The following COXFA4 variants were observed in gnomAD, a reference collection of about 807,000 sequenced individuals.
The protein encoded by COXFA4 is cytochrome c oxidase subunit FA4.
At chr7:10,933,497 A>T in the COXFA4 span, 2 of 678,452 alleles carry the variant, frequency 2.9e-6, no homozygotes. Context: ...TGTAATCTCC[A>T]ATAGAGATTA....
chr7:10,938,084 G>C, the COXFA4 span: 1 of 1,611,830 alleles, frequency 6.2e-7, no homozygotes, highest in Non-Finnish European at 8.5e-7. Context: ...CAATTTTGTA[G>C]TTTACCTTGT....
the COXFA4 span, among the ~76,000 whole-genome samples, chr7:10,934,588 C>G: frequency 6.6e-6 from 1 of 152,168 alleles, no homozygotes; most frequent in African/African-American, 2.4e-5. Context: ...TCCAAAAGAA[C>G]CACAATTTCA....
At chr7:10,935,736 C>T in the COXFA4 span, among the ~76,000 whole-genome samples, 6 of 152,156 alleles carry the variant, frequency 3.9e-5, no homozygotes, top group Admixed American at 1.3e-4. Context: ...TCCCAGCCTC[C>T]GGACTGAGGA....
At chr7:10,939,434 T>A in the COXFA4 span, 2 of 176,116 alleles carry the variant, frequency 1.1e-5, no homozygotes, top group Admixed American at 1.1e-4. Flanking sequence ...TAAGACAGAT[T>A]AAAGATTGCA....
At chr7:10,936,387 C>G in the COXFA4 span, among the ~76,000 whole-genome samples, 1 of 152,196 alleles carries the variant, frequency 6.6e-6, no homozygotes. Flanking sequence ...ATCTGTTACA[C>G]TTTTTGAACT....
chr7:10,939,563 G>A, the COXFA4 span: 1 of 183,202 alleles, frequency 5.5e-6, no homozygotes, highest in South Asian at 1.0e-4. Flanking sequence ...GACAAAGTGA[G>A]GATTCCAAGA....
chr7:10,935,075 C>T, the COXFA4 span, among the ~76,000 whole-genome samples: 1 of 152,204 alleles, frequency 6.6e-6, no homozygotes, highest in African/African-American at 2.4e-5. Context: ...CACAATAACC[C>T]TTCTGATTCT....
the COXFA4 span, chr7:10,939,903 G>C: frequency 6.6e-6 from 8 of 1,206,826 alleles, no homozygotes; most frequent in East Asian, 1.9e-4. Context: ...GCAGGGTCTG[G>C]TCTGACGGAC....
At chr7:10,934,686 A>G in the COXFA4 span, among the ~76,000 whole-genome samples, 1 of 152,172 alleles carries the variant, frequency 6.6e-6, no homozygotes, top group Admixed American at 6.5e-5. Flanking sequence ...TATTTCTTCA[A>G]ATATACCCGA....
At chr7:10,937,605 C>T in the COXFA4 span, among the ~76,000 whole-genome samples, 10 of 152,188 alleles carry the variant, frequency 6.6e-5, no homozygotes, top group African/African-American at 2.2e-4. Context: ...TGATGCTGTG[C>T]AGGGTCTTTG....
chr7:10,937,469 G>C, the COXFA4 span, among the ~76,000 whole-genome samples: 7 of 152,100 alleles, frequency 4.6e-5, no homozygotes, highest in Admixed American at 4.6e-4. Context: ...TTTTAGTAGA[G>C]ATGGGGTTTC....
At chr7:10,937,529 C>A in the COXFA4 span, among the ~76,000 whole-genome samples, 2 of 152,062 alleles carry the variant, frequency 1.3e-5, no homozygotes, top group Non-Finnish European at 2.9e-5. Context: ...GTGATCTGCC[C>A]GCCTCAGCCT....
chr7:10,935,048 A>G, the COXFA4 span, among the ~76,000 whole-genome samples: 1 of 152,246 alleles, frequency 6.6e-6, no homozygotes, highest in African/African-American at 2.4e-5. Flanking sequence ...TGCTTTATGT[A>G]TATCTTAGTT....
chr7:10,936,379 C>T, the COXFA4 span, among the ~76,000 whole-genome samples: 1 of 152,210 alleles, frequency 6.6e-6, no homozygotes, highest in East Asian at 1.9e-4. Context: ...TCGGAATCAT[C>T]TGTTACACTT....
At chr7:10,938,670 G>A in the COXFA4 span, 1 of 669,198 alleles carries the variant, frequency 1.5e-6, no homozygotes, top group South Asian at 1.7e-5. Flanking sequence ...GAAAACAGCA[G>A]ATTTGAGATC....
chr7:10,933,030 C>T, the COXFA4 span: 1 of 151,676 alleles, frequency 6.6e-6, no homozygotes, highest in Non-Finnish European at 1.5e-5. Flanking sequence ...AGCCAAAATT[C>T]TCAAGATCTC....
At chr7:10,936,483 G>A in the COXFA4 span, among the ~76,000 whole-genome samples, 1 of 152,088 alleles carries the variant, frequency 6.6e-6, no homozygotes, top group East Asian at 1.9e-4. Context: ...CTTTTTAAAA[G>A]TTTCTTGTAT....
chr7:10,934,877 T>C, the COXFA4 span, among the ~76,000 whole-genome samples: 1 of 152,190 alleles, frequency 6.6e-6, no homozygotes, highest in African/African-American at 2.4e-5. Flanking sequence ...AAGAAACAAT[T>C]AACCTAGACA....
chr7:10,940,095 C>T, the COXFA4 span: 4 of 1,607,900 alleles, frequency 2.5e-6, no homozygotes, highest in Non-Finnish European at 2.6e-6. Context: ...AGGAGAGAAC[C>T]GACCTAGCCA....
Sources: gnomAD v4.1 joint callset for allele counts (sites outside exome capture counted in the v4.1 genomes callset) on GRCh38, gnomAD v4.1.1 for gene constraint, MANE v1.5 for transcripts, NCBI Gene and HGNC (gene_info 2026-07-23, HGNC 2026-07-21) for gene names.